The following RDH16 variants were observed in gnomAD, a reference collection of about 807,000 sequenced individuals.
RDH16 encodes the protein human epidermal retinol dehydrogenase.
RDH16 carries 25 observed loss-of-function variants against 22.3 expected under a neutral mutation model. The ratio of observed to expected loss-of-function variants is 1.12; its 90% CI spans 0.82 to 1.56. RDH16 has a LOEUF of 1.56. Among genes scored for constraint, RDH16 ranks in the 40% most tolerant of loss-of-function variants. The pLI, the probability that RDH16 is intolerant of heterozygous loss-of-function variation, is 0.00. For missense variants in RDH16, 413 were observed against 394.9 expected, an observed-to-expected ratio of 1.05 and a Z score of -0.39; for synonymous variants, 154 against 164.4, an observed-to-expected ratio of 0.94 and a Z score of 0.48.
At chr12:56,954,885 G>A (rs1426058152) in intron 2 of RDH16, 21 bp downstream of exon 2, 24 of 1,613,064 alleles carry the variant, frequency 1.5e-5, no homozygotes, top group Non-Finnish European at 2.0e-5. Flanking sequence ...GACTAGGGTG[G>A]GCCCCATCCC....
Position 56,953,003 on chromosome 12 carries a change from G to A in RDH16, c.573-13C>T. 6.3e-7 allele frequency: 1 copy of A among 1,593,276 alleles called. No individual in the cohort carries two copies. The highest frequency in any genetic ancestry group is 8.5e-7 in the Non-Finnish European group (1 of 1,171,218). On this transcript the variant is annotated splice_polypyrimidine_tract_variant and intron_variant, in intron 2 of 3. Coordinates refer to ENST00000398138, the MANE Select transcript of RDH16 (RefSeq NM_003708.5). ...GGAGAGTTCCCTCCTGCAAGACAGA[G>A]AAGCAGAGGGGAAAAACTTCGGGGG...
Position 56,957,215 on chromosome 12 carries a change from T to A in RDH16, c.248A>T (p.Asp83Val), listed in dbSNP as rs1466786593. The A allele has an allele frequency of 6.2e-7, 1 of 1,614,004 alleles. No individual in the cohort carries two copies. The highest frequency in any genetic ancestry group is 2.2e-5 in the East Asian group (1 of 44,888). Residue 83 changes from aspartate (D) to valine (V), a missense_variant, in exon 1 of 4, where the codon GAT (aspartate) becomes GTT (valine). Asp to Val is a radical substitution (Grantham distance 152, BLOSUM62 -3). Transcript: ENST00000398138. ...AGCAACGCTCTCTGTCTTGGTAACATCCAGGGTCACCGTCTCCAGCCTGTC... is the reference window on the plus strand; with the variant it reads ...AGCAACGCTCTCTGTCTTGGTAACAACCAGGGTCACCGTCTCCAGCCTGTC... ...TSDRLETVTL[D>V]VTKTESVAAA...
chr12:56,952,882 C>T lies in RDH16; in HGVS notation c.681G>A (p.Trp227Ter). ...ERFLKSFLEI[W>*]DRSSPEVKEA... ...CCTTGACCTCTGGACTGGACCGGTC[C>T]CAAATCTCCAGGAAGCTCTTTAAGA... is the stretch of plus-strand genomic sequence containing the variant. Residue 227 changes from tryptophan (W) to a stop codon, truncating the protein, a stop_gained, in exon 3 of 4, where the codon TGG becomes TGA. Transcript: ENST00000398138. LOFTEE classifies it high-confidence loss of function. 2.5e-6 allele frequency: 4 copies of T among 1,614,046 alleles called. No individual in the cohort carries two copies. Among genetic ancestry groups the T allele is most frequent in the Non-Finnish European group, 3.4e-6 (4 of 1,180,006 alleles).
In RDH16 at chr12:56,956,813, C is replaced by T. The variant is rs866760714; in HGVS notation, c.313+337G>A. On this transcript the variant is annotated intron_variant, in intron 1 of 3. Transcript: ENST00000398138. ...TTGCAGCCCTGTGCTCCCTTCTCAACGATGCTCCAGCAAGTCTCCAGATCT... is the reference window on the plus strand; with the variant it reads ...TTGCAGCCCTGTGCTCCCTTCTCAATGATGCTCCAGCAAGTCTCCAGATCT... 4.6e-5 allele frequency among the ~76,000 whole-genome samples: 7 copies of T among 152,092 alleles called. No homozygotes were observed. In the South Asian group the frequency reaches 6.2e-4, roughly 14 times the overall value.
intron 2 of RDH16, among the ~76,000 whole-genome samples, chr12:56,953,716 C>T (rs541522024): frequency 6.6e-6 from 1 of 152,290 alleles, no homozygotes; most frequent in Admixed American, 6.5e-5. Context: ...GAGCCTTTCC[C>T]AGTCTTCCTT....
At position 56,954,887 on chromosome 12, in the gene RDH16, C is replaced by A; in HGVS notation, c.572+19G>T. ...ACAGGAGCAGGAAGACTAGGGTGGG[C>A]CCCATCCCAGACCCATACCTGAGGG... On this transcript the variant is annotated intron_variant, in intron 2 of 3. Transcript: ENST00000398138. 2.5e-6 allele frequency: 4 copies of A among 1,613,178 alleles called. No homozygotes were observed. The highest frequency in any genetic ancestry group is 2.5e-6 in the Non-Finnish European group (3 of 1,179,412).
intron 1 of RDH16, 65 bp downstream of exon 1, chr12:56,957,085 G>C (rs1445019796): frequency 6.8e-7 from 1 of 1,474,484 alleles, no homozygotes; most frequent in Non-Finnish European, 9.3e-7. Context: ...CCAGGGAGCA[G>C]ACAGGAGGTG....
rs973142851 is a variant in RDH16 at position 56,956,450 on chromosome 12, T to C, written c.313+700A>G. On this transcript the variant is annotated intron_variant, in intron 1 of 3. Transcript: ENST00000398138. ...TTTGTATAATTGTAAAAAGGACTTATGTGTGGATGACAATTTCAGGGAAAC... is the reference window on the plus strand; with the variant it reads ...TTTGTATAATTGTAAAAAGGACTTACGTGTGGATGACAATTTCAGGGAAAC... Among the ~76,000 whole-genome samples the C allele has an allele frequency of 5.9e-5, 9 of 152,218 alleles. 1 individual carries two copies. The highest frequency in any genetic ancestry group is 2.2e-4 in the African/African-American group (9 of 41,458).
In RDH16 at chr12:56,951,735, C is replaced by T. The variant is rs532054797; in HGVS notation, c.*294G>A. The T allele has an allele frequency of 1.1e-4, 47 of 429,614 alleles. No individual in the cohort carries two copies. In the East Asian group the frequency reaches 1.8e-3, roughly 17 times the overall value. The allele number at this position is 429,614 out of a possible 1,614,324, so 26.6% of individuals were successfully genotyped here. ...TGCTCACACCCACCCCAGTTGTTAG[C>T]CCAAGGATGGCCCTAGAGGCTTGGA... On this transcript the variant is annotated 3_prime_UTR_variant, in exon 4 of 4. Coordinates refer to ENST00000398138, the MANE Select transcript of RDH16 (RefSeq NM_003708.5).
At position 56,952,006 on chromosome 12, in the gene RDH16, C is replaced by T; in HGVS notation, c.*23G>A. 2 of 1,605,368 alleles carry T rather than the reference C, an allele frequency of 1.2e-6. No individual in the cohort carries two copies. The highest frequency in any genetic ancestry group is 2.2e-5 in the East Asian group (1 of 44,818). ...CCTCATAGCACACCCCAAATCCATG[C>T]AACCATGCATCCAACCTTAGCTTCA... On this transcript the variant is annotated 3_prime_UTR_variant, in exon 4 of 4. Coordinates refer to ENST00000398138, the MANE Select transcript of RDH16 (RefSeq NM_003708.5).
intron 3 of RDH16, among the ~76,000 whole-genome samples, chr12:56,952,606 T>C (rs1955891370): frequency 6.6e-6 from 1 of 152,150 alleles, no homozygotes; most frequent in Non-Finnish European, 1.5e-5. Flanking sequence ...TAACGATGGG[T>C]TCAGATAGAC....
chr12:56,956,434 T>C (rs994479811), intron 1 of RDH16, among the ~76,000 whole-genome samples: 2 of 152,208 alleles, frequency 1.3e-5, no homozygotes, highest in African/African-American at 4.8e-5. Context: ...TTTTGTATAA[T>C]TGTAAAAAGG....
chr12:56,955,516 G>T (rs1158846894), intron 1 of RDH16, among the ~76,000 whole-genome samples: 1 of 152,160 alleles, frequency 6.6e-6, no homozygotes, highest in Non-Finnish European at 1.5e-5. Context: ...AAACATGAAT[G>T]TTGCAGACAT....
Position 56,951,723 on chromosome 12 carries a change from C to A in RDH16, c.*306G>T. The A allele has an allele frequency of 2.5e-6, 1 of 405,814 alleles. No individual in the cohort carries two copies. The highest frequency in any genetic ancestry group is 4.6e-6 in the Non-Finnish European group (1 of 218,472). 25.1% of individuals were successfully genotyped at this position (405,814 alleles called of 1,614,324 possible). ...GCTCCTTCCACCTGCTCACACCCAC[C>A]CCAGTTGTTAGCCCAAGGATGGCCC... On this transcript the variant is annotated 3_prime_UTR_variant, in exon 4 of 4. Transcript: ENST00000398138.
chr12:56,951,837 A>G lies in RDH16; in HGVS notation c.*192T>C, dbSNP rs1023394056. ...CCTGTTTCTCAGCTGCGTAACTTGA[A>G]ACTTTCCTACCAACATCTCCAGAGA... On this transcript the variant is annotated 3_prime_UTR_variant, in exon 4 of 4. Coordinates refer to ENST00000398138, the MANE Select transcript of RDH16 (RefSeq NM_003708.5). The G allele has an allele frequency of 5.0e-6, 3 of 601,808 alleles. No individual in the cohort carries two copies. The highest frequency in any genetic ancestry group is 8.8e-6 in the Non-Finnish European group (3 of 339,750). 37.3% of individuals were successfully genotyped at this position (601,808 alleles called of 1,614,324 possible).
chr12:56,951,638 A>AT lies in RDH16; in HGVS notation c.*390_*391insA. 3 of 250,892 alleles carry AT rather than the reference A, an allele frequency of 1.2e-5. No individual in the cohort carries two copies. Among genetic ancestry groups the AT allele is most frequent in the South Asian group, 6.2e-5 (1 of 16,078 alleles). The allele number at this position is 250,892 out of a possible 1,614,324, so 15.5% of individuals were successfully genotyped here. On this transcript the variant is annotated 3_prime_UTR_variant, in exon 4 of 4. Coordinates refer to ENST00000398138, the MANE Select transcript of RDH16 (RefSeq NM_003708.5). The stretch of plus-strand genomic sequence containing the variant: ...ATTTCCACCCCGTGGGAGGGTGTAG[A>AT]CTGGCCCAGAATTAACACACAGCCT...
chr12:56,956,525 GATTT>G (rs1205582008), intron 1 of RDH16, among the ~76,000 whole-genome samples: 2 of 152,088 alleles, frequency 1.3e-5, no homozygotes. Context: ...ATCATATTCT[GATTT>G]ATTGTTACAT....
rs200178029 is a variant in RDH16, at chr12:56,954,973, C to T, written c.505G>A (p.Val169Met). The T allele has an allele frequency of 1.5e-4, 246 of 1,614,092 alleles. No individual in the cohort carries two copies. Among genetic ancestry groups the T allele is most frequent in the Middle Eastern group, 3.3e-4 (2 of 6,084 alleles). ...VVNVSSVMGR[V>M]SLFGGGYCIS... ...CAGTAGCCTCCACCAAAAAGTGACACCCGGCCCATGACACTGGAGACGTTG... is the reference window on the plus strand; with the variant it reads ...CAGTAGCCTCCACCAAAAAGTGACATCCGGCCCATGACACTGGAGACGTTG... Residue 169 changes from valine to methionine, a missense_variant, in exon 2 of 4, where the codon GTG becomes ATG. Physicochemically the swap from Val to Met is conservative, Grantham distance 21. Coordinates refer to ENST00000398138, the MANE Select transcript of RDH16 (RefSeq NM_003708.5).
chr12:56,953,039 T>C (rs777413915), intron 2 of RDH16, 49 bp from the exon 3 acceptor site: 4 of 1,524,340 alleles, frequency 2.6e-6, no homozygotes, highest in South Asian at 1.2e-5. Context: ...TCTTGGAAGG[T>C]AAAACACAAA....
Sources: allele counts gnomAD v4.1 joint callset (sites outside exome capture counted in the v4.1 genomes callset), GRCh38; gene constraint gnomAD v4.1.1; transcripts MANE v1.5; gene names NCBI Gene and HGNC (gene_info 2026-07-23, HGNC 2026-07-21).